The following MYLK4 variants were observed in gnomAD, a reference collection of about 807,000 sequenced individuals.
The protein encoded by MYLK4 is myosin light chain kinase family member 4.
A neutral mutation model predicts 48.1 loss-of-function variants in MYLK4; 46 were observed. The observed-to-expected ratio is 0.96, with a 90% confidence interval of 0.75 to 1.22. The LOEUF is 1.22. Among genes scored for constraint, MYLK4 ranks in the 50% most tolerant of loss-of-function variants. MYLK4 has a pLI of 0.00. For missense variants in MYLK4, 451 were observed against 486.1 expected, an observed-to-expected ratio of 0.93 and a Z score of 0.68; for synonymous variants, 170 against 180.8, an observed-to-expected ratio of 0.94 and a Z score of 0.48.
intron 2 of MYLK4, among the ~76,000 whole-genome samples, chr6:2,693,275 T>C (rs1163723629): frequency 6.6e-6 from 1 of 152,210 alleles, no homozygotes; most frequent in Non-Finnish European, 1.5e-5. Context: ...AAAAAGCCCA[T>C]CTTCATGAAT....
At chr6:2,689,972 C>T (rs1489163973) in intron 3 of MYLK4, among the ~76,000 whole-genome samples, 1 of 138,362 alleles carries the variant, frequency 7.2e-6, no homozygotes, top group Non-Finnish European at 1.6e-5. Flanking sequence ...ACCAGAGAAG[C>T]ATCTTGATAA....
Position 2,673,883 on chromosome 6 carries a change from C to T in MYLK4, c.1119+1164G>A, listed in dbSNP as rs1760990448. 6.6e-6 allele frequency among the ~76,000 whole-genome samples: 1 copy of T among 152,134 alleles called. No individual in the cohort carries two copies. The highest frequency in any genetic ancestry group is 1.5e-5 in the Non-Finnish European group (1 of 68,036). ...AGAGGTAATTAGGGGATATCATGTACACAACATGGAGGTAAATTAAACATG... is the reference window on the plus strand; with the variant it reads ...AGAGGTAATTAGGGGATATCATGTATACAACATGGAGGTAAATTAAACATG... On this transcript the variant is annotated intron_variant, in intron 11 of 12. Transcript: ENST00000274643. This position sits in a 1 kb window ranked among gnomAD's most constrained non-coding sequence, Gnocchi z 4.2.
chr6:2,752,312 T>C (rs1045353078), upstream of MYLK4, among the ~76,000 whole-genome samples: 3 of 152,214 alleles, frequency 2.0e-5, no homozygotes, highest in Admixed American at 2.0e-4. Context: ...ACATCTTACG[T>C]TGGTATGGTA....
chr6:2,762,176 C>T, the MYLK4 span, among the ~76,000 whole-genome samples: 1 of 152,204 alleles, frequency 6.6e-6, no homozygotes, highest in East Asian at 1.9e-4. Flanking sequence ...TCCCAAACTG[C>T]TGGGATTACC....
At chr6:2,670,721 C>T (rs1760853588) in intron 12 of MYLK4, among the ~76,000 whole-genome samples, 1 of 152,084 alleles carries the variant, frequency 6.6e-6, no homozygotes, top group Non-Finnish European at 1.5e-5. Context: ...AGGTGGTATT[C>T]TTTGGGCTCG....
rs1443991985 is a variant in MYLK4 at position 2,679,171 on chromosome 6, G to A, written c.887+109C>T. The stretch of plus-strand genomic sequence containing the variant: ...AGAAGGCAACTGAGGATGGGACAGT[G>A]TTATTTATTTTTTAAATACCCCAAT... On this transcript the variant is annotated intron_variant, in intron 9 of 12. Transcript: ENST00000274643. The A allele has an allele frequency of 1.2e-5, 16 of 1,309,372 alleles. No individual in the cohort carries two copies. The South Asian group carries it at 1.7e-4, about 14-fold the overall frequency. 81.1% of individuals were successfully genotyped at this position (1,309,372 alleles called of 1,614,324 possible). A position where few individuals can be genotyped will look rare whatever the true frequency, so the allele number is the denominator to read the frequency against.
intron 10 of MYLK4, among the ~76,000 whole-genome samples, chr6:2,677,334 T>A (rs569319792): frequency 6.6e-6 from 1 of 152,292 alleles, no homozygotes; most frequent in Non-Finnish European, 1.5e-5. Context: ...CTGCCCACAC[T>A]GTTTCCCCAC....
chr6:2,769,467 TA>T, the MYLK4 span, among the ~76,000 whole-genome samples: 228 of 151,646 alleles, frequency 1.5e-3, no homozygotes, highest in African/African-American at 5.0e-3. Flanking sequence ...ATACTCTAAA[TA>T]AAAAAAAATT....
At chr6:2,728,193 C>T (rs1474708038) in intron 2 of MYLK4, among the ~76,000 whole-genome samples, 2 of 152,094 alleles carry the variant, frequency 1.3e-5, no homozygotes, top group Admixed American at 1.3e-4. Context: ...AAGGTCCCAA[C>T]AAATGGCATC....
chr6:2,732,706 C>T (rs1476711038), intron 2 of MYLK4, among the ~76,000 whole-genome samples: 2 of 151,782 alleles, frequency 1.3e-5, no homozygotes, highest in East Asian at 3.9e-4. Context: ...GACCAACATC[C>T]TGGGTGGTTG....
At chr6:2,770,200 C>A in the MYLK4 span, 1 of 1,614,178 alleles carries the variant, frequency 6.2e-7, no homozygotes, top group Non-Finnish European at 8.5e-7. Flanking sequence ...TCCAGGTCAA[C>A]GCTGCTCTTC....
At chr6:2,670,105 C>T (rs1760826286) in intron 12 of MYLK4, among the ~76,000 whole-genome samples, 1 of 152,176 alleles carries the variant, frequency 6.6e-6, no homozygotes, top group Non-Finnish European at 1.5e-5. Context: ...GTGGCTCACG[C>T]CTGTAATCCT....
intron 11 of MYLK4, among the ~76,000 whole-genome samples, chr6:2,674,726 C>T (rs1414762391): frequency 2.0e-5 from 3 of 152,052 alleles, no homozygotes; most frequent in Non-Finnish European, 4.4e-5. Context: ...ACAAAATTAG[C>T]CAGGCATGGT....
At chr6:2,757,346 T>G in the MYLK4 span, among the ~76,000 whole-genome samples, 307 of 152,284 alleles carry the variant, frequency 2.0e-3, 3 homozygotes, top group Admixed American at 4.0e-3. Flanking sequence ...ACATCTTCAG[T>G]GTGAATGAAG....
intron 2 of MYLK4, among the ~76,000 whole-genome samples, chr6:2,701,371 G>A (rs1762273372): frequency 1.3e-5 from 2 of 152,132 alleles, no homozygotes; most frequent in Non-Finnish European, 1.5e-5. Flanking sequence ...GGGGCACGCC[G>A]GCCGAGGCTC....
chr6:2,766,194 C>T, the MYLK4 span: 13 of 1,399,680 alleles, frequency 9.3e-6, no homozygotes, highest in Admixed American at 2.3e-4. Context: ...CACTGGGACG[C>T]GGACGCTGCC....
intron 2 of MYLK4, among the ~76,000 whole-genome samples, chr6:2,740,242 C>T (rs535817868): frequency 1.2e-4 from 18 of 152,098 alleles, no homozygotes; most frequent in Non-Finnish European, 1.6e-4. Flanking sequence ...TGCACCTCTC[C>T]TTGTCCTCCG....
chr6:2,702,047 T>C (rs1024648728), intron 2 of MYLK4, among the ~76,000 whole-genome samples: 11 of 152,196 alleles, frequency 7.2e-5, no homozygotes, highest in African/African-American at 2.7e-4. Flanking sequence ...CAGCATTCAC[T>C]GGGGGCCGCA....
At chr6:2,712,959 G>A (rs1441332480) in intron 2 of MYLK4, among the ~76,000 whole-genome samples, 20 of 152,206 alleles carry the variant, frequency 1.3e-4, no homozygotes, top group Admixed American at 6.5e-5. Context: ...CCTTGAGGAA[G>A]GCATTTAACA....
Sources: allele counts gnomAD v4.1 joint callset (sites outside exome capture counted in the v4.1 genomes callset), GRCh38; gene constraint gnomAD v4.1.1; non-coding constraint Gnocchi (gnomAD v3.1); transcripts MANE v1.5; gene names NCBI Gene and HGNC (gene_info 2026-07-23, HGNC 2026-07-21).